ROBO3: variants seen among roughly 807,000 people sequenced by gnomAD.
The protein encoded by ROBO3 is roundabout guidance receptor 3.
Under a neutral mutation model 160.5 loss-of-function variants are expected in ROBO3, and 97 were observed. The ratio of observed to expected loss-of-function variants is 0.60; its 90% CI spans 0.51 to 0.72. ROBO3 has a LOEUF of 0.72. Ranked by LOEUF, ROBO3 falls within the 30% of genes least tolerant of loss-of-function variation. The pLI, the probability that ROBO3 is intolerant of heterozygous loss-of-function variation, is 0.00. For missense variants in ROBO3, 1,858 were observed against 1,846.5 expected, an observed-to-expected ratio of 1.01 and a Z score of -0.11; for synonymous variants, 780 against 746.2, an observed-to-expected ratio of 1.05 and a Z score of -0.74.
chr11:124,877,581 C>T lies in ROBO3; in HGVS notation c.2909C>T (p.Ser970Phe), dbSNP rs1946421920. ...SWLADSWPHP[S>F]RSPSAQEPRG... is the part of the protein sequence containing the mutation. ...CTGGCAGATTCGTGGCCCCACCCAT[C>T]TCGAAGCCCCTCGGCCCAGGAACCC... The change falls in exon 20 of 28, where the codon TCT (serine) becomes TTT (phenylalanine). Residue 970 changes from serine to phenylalanine, a missense_variant. By Grantham distance (155) the Ser-to-Phe change is radical. Transcript: ENST00000397801. The T allele has an allele frequency of 1.2e-6, 2 of 1,604,174 alleles. No individual in the cohort carries two copies. The highest frequency in any genetic ancestry group is 3.4e-5 in the Admixed American group (2 of 58,574).
At position 124,878,855 on chromosome 11, in the gene ROBO3, G is replaced by T; in HGVS notation, c.3533+59G>T. On this transcript the variant is annotated intron_variant, in intron 23 of 27. Coordinates refer to ENST00000397801, the MANE Select transcript of ROBO3 (RefSeq NM_022370.4). This position sits in a 1 kb window ranked among gnomAD's most constrained non-coding sequence, Gnocchi z 4.3. ...GCCCTCTATACGTATCTACTCAGTA[G>T]ATGACTGGGTGGGTGGATGGATGGA... The T allele has an allele frequency of 7.2e-7, 1 of 1,382,592 alleles. No homozygotes were observed. 85.6% of individuals were successfully genotyped at this position (1,382,592 alleles called of 1,614,324 possible).
At chr11:124,879,010 C>G (rs773713687) in intron 23 of ROBO3, 180 bp from the exon 24 acceptor site, 3 of 815,670 alleles carry the variant, frequency 3.7e-6, no homozygotes, top group Non-Finnish European at 5.7e-6. Flanking sequence ...GTGGTCAGCA[C>G]TCTACCTGAG....
intron 14 of ROBO3, 66 bp downstream of exon 14, chr11:124,875,402 G>A (rs1946343167): frequency 6.9e-7 from 1 of 1,449,268 alleles, no homozygotes; most frequent in African/African-American, 1.4e-5. Context: ...GAGGTGGAGG[G>A]GGGATGAAAA....
Position 124,869,889 on chromosome 11 carries a change from C to CAT in ROBO3, c.646-49_646-48dup, listed in dbSNP as rs527661933. On this transcript the variant is annotated intron_variant, in intron 3 of 27. Coordinates refer to ENST00000397801, the MANE Select transcript of ROBO3 (RefSeq NM_022370.4). This position sits in a 1 kb window ranked among gnomAD's most constrained non-coding sequence, Gnocchi z 4.2. ...CATATGTATATACACATATATTCAC[C>CAT]ATATATATATACGCTGTGATAGCTG... The CAT allele has an allele frequency of 1.1e-4, 172 of 1,528,872 alleles. No individual in the cohort carries two copies. Among genetic ancestry groups the CAT allele is most frequent in the African/African-American group, 7.2e-4 (52 of 72,652 alleles). The allele number at this position is 1,528,872 out of a possible 1,614,324, so 94.7% of individuals were successfully genotyped here. A position where few individuals can be genotyped will look rare whatever the true frequency, so the allele number is the denominator to read the frequency against.
In ROBO3 at chr11:124,879,249, G is replaced by A. The variant is rs148372884; in HGVS notation, c.3593G>A (p.Arg1198His). The change falls in exon 24 of 28, where the codon CGT becomes CAT. Residue 1198 changes from arginine (R) to histidine (H), a missense_variant. Coordinates refer to ENST00000397801, the MANE Select transcript of ROBO3 (RefSeq NM_022370.4). ...GTATCCCAGCCCATGCTGGGCATCC[G>A]TGAAGCGAGGCCTGCTGGCTTGGGT... is the stretch of plus-strand genomic sequence containing the variant. ...LSVSQPMLGIREARPAGLGAG... is the reference protein window; with the variant it reads ...LSVSQPMLGIHEARPAGLGAG... 15,188 of 1,565,286 alleles carry A rather than the reference G, an allele frequency of 9.7e-3. 104 individuals are homozygous for A. Among genetic ancestry groups the A allele is most frequent in the Non-Finnish European group, 0.011 (12,888 of 1,154,760 alleles).
Position 124,868,977 on chromosome 11 carries a change from T to G in ROBO3, c.336T>G (p.Arg112=). The G allele has an allele frequency of 4.4e-6, 7 of 1,603,150 alleles. No homozygotes were observed. Among genetic ancestry groups the G allele is most frequent in the Non-Finnish European group, 5.1e-6 (6 of 1,175,750 alleles). The change falls in exon 2 of 28, where the codon CGT becomes CGG. Residue 112 remains arginine (R), a synonymous_variant. Transcript: ENST00000397801. ...ARVATVREDP[R]AHRLLLPSGA... ...TGGCCACTGTGCGGGAGGATCCGCG[T>G]GCGCACCGCCTGCTGCTGCCCAGCG...
At chr11:124,880,024 G>A (rs1946533398) in intron 26 of ROBO3, 76 bp downstream of exon 26, 7 of 1,362,484 alleles carry the variant, frequency 5.1e-6, no homozygotes, top group Non-Finnish European at 6.9e-6. Flanking sequence ...GCTGATAGTA[G>A]ACCAGCTCAG....
In ROBO3 at chr11:124,873,639, G is replaced by A. The variant is rs1056160474; in HGVS notation, c.1619-58G>A. 3.2e-5 allele frequency: 48 copies of A among 1,497,812 alleles called. No individual in the cohort carries two copies. The highest frequency in any genetic ancestry group is 1.3e-4 in the Admixed American group (7 of 54,218). 92.8% of individuals were successfully genotyped at this position (1,497,812 alleles called of 1,614,324 possible). On this transcript the variant is annotated intron_variant, in intron 10 of 27. Transcript: ENST00000397801. This position sits in a 1 kb window ranked among gnomAD's most constrained non-coding sequence, Gnocchi z 4.5. ...CATAGCTCCCCTGGTAAGGAGACAG[G>A]TTACACTAGGATTATCCTTTCCCTA...
Position 124,869,601 on chromosome 11 carries a change from G to T in ROBO3, c.639G>T (p.Arg213Ser). The change falls in exon 3 of 28, where the codon AGG becomes AGT. Residue 213 changes from arginine (R) to serine (S), a missense_variant. Transcript: ENST00000397801. This position sits in a 1 kb window ranked among gnomAD's most constrained non-coding sequence, Gnocchi z 4.2. ...DGARLKEEEG[R>S]ITIRGGKLMM... The stretch of plus-strand genomic sequence containing the variant: ...CAAGACTCAAGGAAGAGGAAGGAAG[G>T]ATCACGGTGAGGGCGGGATTATGAT... 6.4e-7 allele frequency: 1 copy of T among 1,571,186 alleles called. No individual in the cohort carries two copies. Among genetic ancestry groups the T allele is most frequent in the East Asian group, 2.3e-5 (1 of 42,990 alleles).
rs1399604491 is a variant in ROBO3 at position 124,878,804 on chromosome 11, G to A, written c.3533+8G>A. 1 of 1,605,376 alleles carries A rather than the reference G, an allele frequency of 6.2e-7. No individual in the cohort carries two copies. The highest frequency in any genetic ancestry group is 8.5e-7 in the Non-Finnish European group (1 of 1,174,646). Reference sequence around the variant, plus strand: ...TCTCCATCAGATGCCCAGGTAGGGAGGTATATAGTACCTCACTCATTGCAA... The same window carrying A: ...TCTCCATCAGATGCCCAGGTAGGGAAGTATATAGTACCTCACTCATTGCAA... On this transcript the variant is annotated splice_region_variant and intron_variant, in intron 23 of 27. Coordinates refer to ENST00000397801, the MANE Select transcript of ROBO3 (RefSeq NM_022370.4). This position sits in a 1 kb window ranked among gnomAD's most constrained non-coding sequence, Gnocchi z 4.3.
intron 1 of ROBO3, among the ~76,000 whole-genome samples, chr11:124,866,397 G>A (rs1226740525): frequency 6.6e-6 from 1 of 152,194 alleles, no homozygotes; most frequent in African/African-American, 2.4e-5. Flanking sequence ...CTCTCCCCTA[G>A]CGCCGCGGGG....
intron 1 of ROBO3, among the ~76,000 whole-genome samples, chr11:124,866,481 C>T (rs1261625148): frequency 1.3e-5 from 2 of 152,244 alleles, no homozygotes; most frequent in Non-Finnish European, 2.9e-5. Flanking sequence ...ATCGGGAACC[C>T]CCGCTTTACC....
Position 124,878,483 on chromosome 11 carries a change from A to C in ROBO3, c.3320+47A>C, listed in dbSNP as rs779083432. On this transcript the variant is annotated intron_variant, in intron 22 of 27. Transcript: ENST00000397801. The surrounding 1 kb of genome is among the most constrained non-coding windows in gnomAD (Gnocchi z 4.3). ...AGGCCCACACACCTGCGGCCAGACCATGGGCTGCTGGGGAGGAAGGGGAGG... is the reference window on the plus strand; with the variant it reads ...AGGCCCACACACCTGCGGCCAGACCCTGGGCTGCTGGGGAGGAAGGGGAGG... 1.9e-6 allele frequency: 3 copies of C among 1,605,496 alleles called. No homozygotes were observed. The South Asian group carries it at 3.3e-5, about 18-fold the overall frequency.
Position 124,873,618 on chromosome 11 carries a change from G to T in ROBO3, c.1619-79G>T. 7.3e-7 allele frequency: 1 copy of T among 1,376,324 alleles called. No individual in the cohort carries two copies. Among genetic ancestry groups the T allele is most frequent in the Non-Finnish European group, 9.9e-7 (1 of 1,008,378 alleles). The allele number at this position is 1,376,324 out of a possible 1,614,324, so 85.3% of individuals were successfully genotyped here. ...CATCACCGCAGCTCAGAGCTCCATA[G>T]CTCCCCTGGTAAGGAGACAGGTTAC... On this transcript the variant is annotated intron_variant, in intron 10 of 27. Transcript: ENST00000397801. The surrounding 1 kb of genome is among the most constrained non-coding windows in gnomAD (Gnocchi z 4.5).
chr11:124,874,660 C>A, intron 12 of ROBO3, 128 bp from the exon 13 acceptor site: 9 of 1,153,868 alleles, frequency 7.8e-6, no homozygotes, highest in Non-Finnish European at 1.1e-5. Flanking sequence ...CCTGACCAGT[C>A]CCCTCCTGAC....
chr11:124,878,467 C>A lies in ROBO3; in HGVS notation c.3320+31C>A. 6.2e-7 allele frequency: 1 copy of A among 1,607,336 alleles called. No homozygotes were observed. Among genetic ancestry groups the A allele is most frequent in the South Asian group, 1.1e-5 (1 of 90,570 alleles). On this transcript the variant is annotated intron_variant, in intron 22 of 27. Coordinates refer to ENST00000397801, the MANE Select transcript of ROBO3 (RefSeq NM_022370.4). This position sits in a 1 kb window ranked among gnomAD's most constrained non-coding sequence, Gnocchi z 4.3. ...GATGCTCCCTGCTTCCAGGCCCACA[C>A]ACCTGCGGCCAGACCATGGGCTGCT...
At chr11:124,881,147 C>T (rs1946572755) in intron 27 of ROBO3, 92 bp from the exon 28 acceptor site, 2 of 1,293,940 alleles carry the variant, frequency 1.5e-6, no homozygotes, top group Non-Finnish European at 2.2e-6. Context: ...CGTAGGAGAA[C>T]TGGGTTAGGA....
At position 124,878,361 on chromosome 11, in the gene ROBO3, C is replaced by T; in HGVS notation, c.3245C>T (p.Pro1082Leu). The change falls in exon 22 of 28, where the codon CCA (proline) becomes CTA (leucine). Residue 1082 changes from proline to leucine, a missense_variant. Coordinates refer to ENST00000397801, the MANE Select transcript of ROBO3 (RefSeq NM_022370.4). This position sits in a 1 kb window ranked among gnomAD's most constrained non-coding sequence, Gnocchi z 4.3. The stretch of plus-strand genomic sequence containing the variant: ...GTGCAGATGCCCTCTCTGAACTGGC[C>T]AGAAGCCCTGCCCCCACCTCCTCCT... ...KPVQMPSLNW[P>L]EALPPPPPSC... 1 of 1,613,896 alleles carries T rather than the reference C, an allele frequency of 6.2e-7. No individual in the cohort carries two copies. Among genetic ancestry groups the T allele is most frequent in the Non-Finnish European group, 8.5e-7 (1 of 1,179,860 alleles).
chr11:124,870,342 G>C lies in ROBO3; in HGVS notation c.905+39G>C, dbSNP rs776273653. Reference sequence around the variant, plus strand: ...TTCTGCCTGTAGGAAGACCCAACCTGATCAAGAGACTATTCTGCCCTAGAA... The same window carrying C: ...TTCTGCCTGTAGGAAGACCCAACCTCATCAAGAGACTATTCTGCCCTAGAA... On this transcript the variant is annotated intron_variant, in intron 5 of 27. Coordinates refer to ENST00000397801, the MANE Select transcript of ROBO3 (RefSeq NM_022370.4). The C allele has an allele frequency of 2.6e-5, 42 of 1,594,264 alleles. No individual in the cohort carries two copies. The Admixed American group carries it at 7.5e-4, about 28-fold the overall frequency.
Sources: gnomAD v4.1 joint callset for allele counts (sites outside exome capture counted in the v4.1 genomes callset) on GRCh38, gnomAD v4.1.1 for gene constraint, Gnocchi (gnomAD v3.1) non-coding constraint, MANE v1.5 for transcripts, NCBI Gene and HGNC (gene_info 2026-07-23, HGNC 2026-07-21) for gene names.